MYPOP: variants seen among roughly 807,000 people sequenced by gnomAD.
MYPOP encodes the protein myb-related transcription factor, partner of profilin.
A neutral mutation model predicts 25.7 loss-of-function variants in MYPOP; 21 were observed. That is an observed-to-expected ratio of 0.82 (90% CI 0.58 to 1.18). The LOEUF (loss-of-function observed/expected upper bound fraction) is 1.18. Among genes scored for constraint, MYPOP ranks in the 50% most tolerant of loss-of-function variants. The pLI, the probability that MYPOP is intolerant of heterozygous loss-of-function variation, is 0.00. For synonymous variants in MYPOP, 280 were observed against 247.9 expected, an observed-to-expected ratio of 1.13 and a Z score of -1.22; for missense variants, 566 against 588.3, an observed-to-expected ratio of 0.96 and a Z score of 0.39.
At position 45,891,130 on chromosome 19, in the gene MYPOP, CGGTGGG is replaced by C. The variant is rs1435710778; in HGVS notation, c.687_692del (p.Pro231_Pro232del). ...GTGAGGGTGCCACTTGGGCCAGTGG[CGGTGGG>C]GGTGGCAGTGGAGGGGCTGGGGGTG... On this transcript the variant is annotated inframe_deletion, in exon 3 of 3. Transcript: ENST00000322217. The C allele has an allele frequency of 3.7e-6, 1 of 269,212 alleles. No individual in the cohort carries two copies. The highest frequency in any genetic ancestry group is 4.9e-6 in the Non-Finnish European group (1 of 204,354). The allele number at this position is 269,212 out of a possible 1,614,324, so 16.7% of individuals were successfully genotyped here. A position where few individuals can be genotyped will look rare whatever the true frequency, so the allele number is the denominator to read the frequency against.
chr19:45,901,224 G>C lies in MYPOP; in HGVS notation c.499+51C>G. The C allele has an allele frequency of 2.9e-6, 4 of 1,395,920 alleles. No individual in the cohort carries two copies. The highest frequency in any genetic ancestry group is 3.7e-6 in the Non-Finnish European group (4 of 1,071,880). 86.5% of individuals were successfully genotyped at this position (1,395,920 alleles called of 1,614,324 possible). A position where few individuals can be genotyped will look rare whatever the true frequency, so the allele number is the denominator to read the frequency against. ...CTGCAGCAAGGCTTTGATGAGACAT[G>C]TAAAAGGCTTGCAACAGCGCAGGCA... On this transcript the variant is annotated intron_variant, in intron 2 of 2. Coordinates refer to ENST00000322217, the MANE Select transcript of MYPOP (RefSeq NM_001012643.4). The surrounding 1 kb of genome is among the most constrained non-coding windows in gnomAD (Gnocchi z 5.7).
intron 2 of MYPOP, among the ~76,000 whole-genome samples, chr19:45,894,926 C>T (rs1178243759): frequency 2.0e-5 from 3 of 151,940 alleles, no homozygotes; most frequent in East Asian, 1.9e-4. Context: ...ACCATGTTGG[C>T]CAGATGGTCT....
At chr19:45,897,869 T>G (rs984068704) in intron 2 of MYPOP, among the ~76,000 whole-genome samples, 2 of 151,708 alleles carry the variant, frequency 1.3e-5, no homozygotes, top group Middle Eastern at 3.5e-3. Context: ...TGTTTAAAAG[T>G]TAAAATCATA....
chr19:45,901,787 G>C lies in MYPOP; in HGVS notation c.-14C>G. On this transcript the variant is annotated 5_prime_UTR_variant, in exon 2 of 3. Coordinates refer to ENST00000322217, the MANE Select transcript of MYPOP (RefSeq NM_001012643.4). The surrounding 1 kb of genome is among the most constrained non-coding windows in gnomAD (Gnocchi z 5.7). ...CGCCGAGGCCATGGCGCCCCCCGAC[G>C]CCGCCGTCCTGCCGTCTGGCGCATG... The C allele has an allele frequency of 7.0e-7, 1 of 1,418,520 alleles. No homozygotes were observed. The highest frequency in any genetic ancestry group is 9.2e-7 in the Non-Finnish European group (1 of 1,090,112). 87.9% of individuals were successfully genotyped at this position (1,418,520 alleles called of 1,614,324 possible).
chr19:45,891,125 A>G lies in MYPOP; in HGVS notation c.698T>C (p.Leu233Pro), dbSNP rs1266317597. 4 of 549,402 alleles carry G rather than the reference A, an allele frequency of 7.3e-6. No homozygotes were observed. The highest frequency in any genetic ancestry group is 6.7e-6 in the Non-Finnish European group (3 of 450,060). The allele number at this position is 549,402 out of a possible 1,614,324, so 34.0% of individuals were successfully genotyped here. Residue 233 changes from leucine (L) to proline (P), a missense_variant, in exon 3 of 3, where the codon CTG becomes CCG. Transcript: ENST00000322217. ...AGGGGGTGAGGGTGCCACTTGGGCCAGTGGCGGTGGGGGTGGCAGTGGAGG... is the reference window on the plus strand; with the variant it reads ...AGGGGGTGAGGGTGCCACTTGGGCCGGTGGCGGTGGGGGTGGCAGTGGAGG... ...PAPPLPPPPP[L>P]AQVAPSPPSP... is the part of the protein sequence containing the mutation.
At chr19:45,898,948 C>T (rs1007354501) in intron 2 of MYPOP, among the ~76,000 whole-genome samples, 3 of 152,154 alleles carry the variant, frequency 2.0e-5, no homozygotes, top group Non-Finnish European at 2.9e-5. Context: ...AGCTCCAGGT[C>T]GGGTGTGGTG....
intron 2 of MYPOP, among the ~76,000 whole-genome samples, chr19:45,899,632 G>C (rs1344866165): frequency 6.6e-6 from 1 of 152,096 alleles, no homozygotes; most frequent in Non-Finnish European, 1.5e-5. Context: ...CTGAGGTCGG[G>C]AGTTCCAGAC....
chr19:45,894,088 C>T (rs1967166915), intron 2 of MYPOP, among the ~76,000 whole-genome samples: 1 of 150,458 alleles, frequency 6.6e-6, no homozygotes, highest in Admixed American at 6.7e-5. Flanking sequence ...CGCGCCTGAT[C>T]CTGTACACTT....
At chr19:45,896,620 T>C (rs533113637) in intron 2 of MYPOP, among the ~76,000 whole-genome samples, 1 of 86,538 alleles carries the variant, frequency 1.2e-5, no homozygotes, top group East Asian at 3.0e-4. Context: ...AGTCCATTCT[T>C]TTTTTTTTTT....
At chr19:45,899,839 TCAAAACAAAAAA>T (rs1015121150) in intron 2 of MYPOP, among the ~76,000 whole-genome samples, 1 of 152,080 alleles carries the variant, frequency 6.6e-6, no homozygotes. Context: ...AGACTCCGTC[TCAAAACAAAAAA>T]CAAAACAAAA....
rs571793307 is a variant in MYPOP at position 45,901,065 on chromosome 19, C to T, written c.499+210G>A. 2.6e-5 allele frequency among the ~76,000 whole-genome samples: 4 copies of T among 152,214 alleles called. No individual in the cohort carries two copies. The highest frequency in any genetic ancestry group is 4.4e-5 in the Non-Finnish European group (3 of 68,036). On this transcript the variant is annotated intron_variant, in intron 2 of 2. Transcript: ENST00000322217. This position sits in a 1 kb window ranked among gnomAD's most constrained non-coding sequence, Gnocchi z 5.7. ...ACCCCAGGTGTGGACCTGAGTCAGG[C>T]CTCCTAAATCTGGTTCCATTCCTGG...
At chr19:45,896,269 C>T (rs1342610486) in intron 2 of MYPOP, among the ~76,000 whole-genome samples, 4 of 152,084 alleles carry the variant, frequency 2.6e-5, no homozygotes, top group Admixed American at 6.6e-5. Context: ...CCAGCTTGGG[C>T]GACAGCAAGA....
chr19:45,901,120 A>G lies in MYPOP; in HGVS notation c.499+155T>C, dbSNP rs930558633. Among the ~76,000 whole-genome samples, 2 of 152,224 alleles carry G rather than the reference A, an allele frequency of 1.3e-5. No homozygotes were observed. The highest frequency in any genetic ancestry group is 4.8e-5 in the African/African-American group (2 of 41,460). On this transcript the variant is annotated intron_variant, in intron 2 of 2. Coordinates refer to ENST00000322217, the MANE Select transcript of MYPOP (RefSeq NM_001012643.4). The surrounding 1 kb of genome is among the most constrained non-coding windows in gnomAD (Gnocchi z 5.7). ...TGACAGTTACTAGCTATCGGAACTG[A>G]GGCAAGTCATTTCATTTTTCTGAGC...
In MYPOP at chr19:45,890,929, C is replaced by T. The variant is rs62111265; in HGVS notation, c.894G>A (p.Leu298=). 0.18 allele frequency: 261,488 copies of T among 1,445,978 alleles called. 24,735 individuals carry two copies. The highest frequency in any genetic ancestry group is 0.19 in the Non-Finnish European group (208,803 of 1,100,658). 89.6% of individuals were successfully genotyped at this position (1,445,978 alleles called of 1,614,324 possible). Residue 298 remains leucine, a synonymous_variant, in exon 3 of 3, where the codon CTG becomes CTA. Transcript: ENST00000322217. The stretch of plus-strand genomic sequence containing the variant: ...GCAGGGAGTCAACTGGGGTTCCTGG[C>T]AGAAGGGGCAGCAGAGCGCTGAGGG... The part of the protein sequence containing the change: ...SEALSALLPL[L]PGTPVDSLPP...
chr19:45,895,351 T>C (rs1159473269), intron 2 of MYPOP, among the ~76,000 whole-genome samples: 10 of 152,156 alleles, frequency 6.6e-5, no homozygotes, highest in Admixed American at 6.6e-4. Context: ...GCTCAAGCGA[T>C]TCTCTCACCT....
intron 2 of MYPOP, among the ~76,000 whole-genome samples, chr19:45,900,454 C>CCG (rs72528725): frequency 0.22 from 29,622 of 137,030 alleles, 3,739 homozygotes; most frequent in East Asian, 0.49. Flanking sequence ...GGACCACCCC[C>CCG]CCCCCCACCG....
At position 45,890,656 on chromosome 19, in the gene MYPOP, T is replaced by C; in HGVS notation, c.1167A>G (p.Thr389=). ...PPHKRRKGFP[T]RKRRGRWKSP is the part of the protein sequence containing the mutation. ...ATTTCCATCGGCCGCGCCTTTTCCG[T>C]GTAGGGAAACCTTTTCTCCGCTTGT... Residue 389 remains threonine, a synonymous_variant, in exon 3 of 3, where the codon ACA becomes ACG. Coordinates refer to ENST00000322217, the MANE Select transcript of MYPOP (RefSeq NM_001012643.4). The C allele has an allele frequency of 1.3e-6, 2 of 1,599,194 alleles. No individual in the cohort carries two copies. The highest frequency in any genetic ancestry group is 1.7e-6 in the Non-Finnish European group (2 of 1,174,468).
intron 2 of MYPOP, among the ~76,000 whole-genome samples, chr19:45,895,539 A>T (rs546802768): frequency 6.6e-6 from 1 of 152,058 alleles, no homozygotes; most frequent in African/African-American, 2.4e-5. Context: ...TCCACCTGGC[A>T]CGGTATGGCT....
At chr19:45,894,772 T>G (rs1600567390) in intron 2 of MYPOP, among the ~76,000 whole-genome samples, 1 of 143,656 alleles carries the variant, frequency 7.0e-6, no homozygotes, top group East Asian at 2.1e-4. Flanking sequence ...AGGCTGGAGC[T>G]CAGTGGTGCG....
Sources: allele counts gnomAD v4.1 joint callset (sites outside exome capture counted in the v4.1 genomes callset), GRCh38; gene constraint gnomAD v4.1.1; non-coding constraint Gnocchi (gnomAD v3.1); transcripts MANE v1.5; gene names NCBI Gene and HGNC (gene_info 2026-07-23, HGNC 2026-07-21).